The following PLCB1 variants were observed in gnomAD, a reference collection of about 807,000 sequenced individuals.
The protein encoded by PLCB1 is 1-phosphatidylinositol 4,5-bisphosphate phosphodiesterase beta-1.
Under a neutral mutation model 161.8 loss-of-function variants are expected in PLCB1, and 46 were observed. The observed-to-expected ratio is 0.28, with a 90% confidence interval of 0.22 to 0.36. PLCB1 has a LOEUF of 0.36. Ranked by LOEUF, PLCB1 falls within the 10% of genes least tolerant of loss-of-function variation. The probability of loss-of-function intolerance (pLI) is 1.00; values close to 1 mark genes in which losing one functional copy is unlikely to be tolerated. For synonymous variants in PLCB1, 517 were observed against 503.7 expected, an observed-to-expected ratio of 1.03 and a Z score of -0.35; for missense variants, 1,016 against 1,472.5, an observed-to-expected ratio of 0.69 and a Z score of 5.07.
At chr20:8,468,585 T>C (rs530036944) in intron 3 of PLCB1, among the ~76,000 whole-genome samples, 1 of 152,296 alleles carries the variant, frequency 6.6e-6, no homozygotes, top group Non-Finnish European at 1.5e-5. Flanking sequence ...CAAGTTTTAG[T>C]ATAATATCGT....
chr20:8,231,880 G>A (rs1600249675), intron 2 of PLCB1, among the ~76,000 whole-genome samples: 1 of 152,140 alleles, frequency 6.6e-6, no homozygotes, highest in African/African-American at 2.4e-5. Flanking sequence ...TCCCTGTGAT[G>A]CTCAGTTTTA....
intron 3 of PLCB1, among the ~76,000 whole-genome samples, chr20:8,462,720 G>A (rs1006812036): frequency 6.6e-6 from 1 of 152,032 alleles, no homozygotes; most frequent in Non-Finnish European, 1.5e-5. Context: ...GTATTTCTGA[G>A]TTTCTATGGA....
intron 1 of PLCB1, among the ~76,000 whole-genome samples, chr20:8,148,036 A>G (rs1047193049): frequency 5.3e-5 from 8 of 152,000 alleles, no homozygotes; most frequent in Non-Finnish European, 1.2e-4. Flanking sequence ...ATTTGATTGT[A>G]TGGGATCCTT....
chr20:8,434,988 G>A (rs1472301206), intron 3 of PLCB1, among the ~76,000 whole-genome samples: 1 of 152,160 alleles, frequency 6.6e-6, no homozygotes, highest in African/African-American at 2.4e-5. Context: ...TCTAACAAAA[G>A]TTTGTAGGAA....
chr20:8,631,731 C>A (rs1011021276), intron 4 of PLCB1, among the ~76,000 whole-genome samples: 6 of 152,158 alleles, frequency 3.9e-5, no homozygotes, highest in Non-Finnish European at 7.3e-5. Flanking sequence ...TAATAGGCCA[C>A]TTTTTTGTGA....
chr20:8,336,337 T>C (rs971271092), intron 2 of PLCB1, among the ~76,000 whole-genome samples: 1 of 152,174 alleles, frequency 6.6e-6, no homozygotes, highest in Non-Finnish European at 1.5e-5. Flanking sequence ...AAAATGGGAT[T>C]ATGGCCCATG....
intron 2 of PLCB1, among the ~76,000 whole-genome samples, chr20:8,237,207 T>G (rs1980371562): frequency 6.6e-6 from 1 of 152,056 alleles, no homozygotes; most frequent in Non-Finnish European, 1.5e-5. Context: ...AATTGAAACA[T>G]AAACTGTAAG....
intron 3 of PLCB1, among the ~76,000 whole-genome samples, chr20:8,534,695 TA>T: frequency 6.6e-6 from 1 of 152,314 alleles, no homozygotes; most frequent in East Asian, 1.9e-4. Flanking sequence ...CATTTTTCTT[TA>T]TTCTATTCCT....
At chr20:8,277,224 C>A (rs1050460342) in intron 2 of PLCB1, among the ~76,000 whole-genome samples, 1 of 151,736 alleles carries the variant, frequency 6.6e-6, no homozygotes. Flanking sequence ...TAGTTCAATT[C>A]CCTTTGCACA....
intron 3 of PLCB1, among the ~76,000 whole-genome samples, chr20:8,450,492 G>T (rs1981025037): frequency 6.6e-6 from 1 of 151,982 alleles, no homozygotes; most frequent in Admixed American, 6.6e-5. Context: ...CTGGAATGTG[G>T]ATTTACCCAC....
intron 2 of PLCB1, among the ~76,000 whole-genome samples, chr20:8,216,457 G>A (rs1979131247): frequency 6.6e-6 from 1 of 152,130 alleles, no homozygotes. Flanking sequence ...AAAGTAGAAT[G>A]TGTTGTGTTC....
chr20:8,381,399 T>G (rs975473322), intron 3 of PLCB1, among the ~76,000 whole-genome samples: 3 of 152,158 alleles, frequency 2.0e-5, no homozygotes, highest in Non-Finnish European at 4.4e-5. Context: ...GGCCTGAAGT[T>G]TTTTTTGTTG....
At chr20:8,824,589 G>T (rs960050358) in intron 31 of PLCB1, among the ~76,000 whole-genome samples, 1 of 152,204 alleles carries the variant, frequency 6.6e-6, no homozygotes, top group African/African-American at 2.4e-5. Flanking sequence ...CTACTGAGAT[G>T]ATGAGGCTTG....
chr20:8,396,986 C>G (rs1023957350), intron 3 of PLCB1, among the ~76,000 whole-genome samples: 1 of 151,908 alleles, frequency 6.6e-6, no homozygotes, highest in Non-Finnish European at 1.5e-5. Context: ...CTTCATTTGG[C>G]GTTTTTATTC....
chr20:8,227,423 C>T (rs1172116301), intron 2 of PLCB1, among the ~76,000 whole-genome samples: 3 of 152,096 alleles, frequency 2.0e-5, no homozygotes, highest in African/African-American at 4.8e-5. Context: ...GAAATTAAGC[C>T]TCTGGTTTCC....
chr20:8,349,364 C>A (rs1439388620), intron 2 of PLCB1, among the ~76,000 whole-genome samples: 1 of 152,162 alleles, frequency 6.6e-6, no homozygotes, highest in Non-Finnish European at 1.5e-5. Flanking sequence ...TATAAAGGGT[C>A]TTTTGCTAGC....
rs1176919224 is a variant in PLCB1 at position 8,230,526 on chromosome 20, A to G, written c.177+80155A>G. On this transcript the variant is annotated intron_variant, in intron 2 of 31. Coordinates refer to ENST00000338037, the MANE Select transcript of PLCB1 (RefSeq NM_015192.4). ...CATTAGAATTTATTCCTTTTATCTA[A>G]CTGTATATTTGTACCCACCACTAAT... is the stretch of plus-strand genomic sequence containing the variant. 2.0e-5 allele frequency among the ~76,000 whole-genome samples: 3 copies of G among 152,056 alleles called. No homozygotes were observed. In the East Asian group the frequency reaches 5.8e-4, roughly 29 times the overall value.
chr20:8,552,541 A>G (rs554854719), intron 3 of PLCB1, among the ~76,000 whole-genome samples: 1 of 152,310 alleles, frequency 6.6e-6, no homozygotes, highest in Admixed American at 6.5e-5. Flanking sequence ...TACAATAGCC[A>G]TATGTATTTG....
rs1402678623 is a variant in PLCB1, at chr20:8,391,843, A to ATG, written c.246+20394_246+20395insGT. 1.6e-4 allele frequency among the ~76,000 whole-genome samples: 23 copies of ATG among 144,938 alleles called. No individual in the cohort carries two copies. In the East Asian group the frequency reaches 1.8e-3, roughly 11 times the overall value. The stretch of plus-strand genomic sequence containing the variant: ...TATATATACACACACATATATATAT[A>ATG]TTACTTGAACTTCCTCAATTTTGGA... On this transcript the variant is annotated intron_variant, in intron 3 of 31. Coordinates refer to ENST00000338037, the MANE Select transcript of PLCB1 (RefSeq NM_015192.4).
Sources: gnomAD v4.1 joint callset for allele counts (sites outside exome capture counted in the v4.1 genomes callset) on GRCh38, gnomAD v4.1.1 for gene constraint, MANE v1.5 for transcripts, NCBI Gene and HGNC (gene_info 2026-07-23, HGNC 2026-07-21) for gene names.